ABHD8: variants seen among roughly 807,000 people sequenced by gnomAD.
ABHD8 encodes the protein abhydrolase domain containing 8.
In ABHD8, 10 loss-of-function variants were observed where a neutral mutation model predicts 29.3. That is an observed-to-expected ratio of 0.34 (90% CI 0.21 to 0.58). The LOEUF (loss-of-function observed/expected upper bound fraction) is 0.58. Among genes scored for constraint, ABHD8 ranks in the 20% least tolerant of loss-of-function variants. The probability of loss-of-function intolerance (pLI) is 0.85; values close to 1 mark genes in which losing one functional copy is unlikely to be tolerated. For synonymous variants in ABHD8, 282 were observed against 274.6 expected, an observed-to-expected ratio of 1.03 and a Z score of -0.27; for missense variants, 556 against 615.3, an observed-to-expected ratio of 0.90 and a Z score of 1.02.
intron 2 of ABHD8, among the ~76,000 whole-genome samples, 189 bp downstream of exon 2, chr19:17,300,667 G>A (rs1180970171): frequency 6.6e-6 from 1 of 152,076 alleles, no homozygotes; most frequent in Admixed American, 6.6e-5. Context: ...TGGTAGAGAC[G>A]GGGTTTCACC....
Position 17,301,535 on chromosome 19 carries a change from C to G in ABHD8, c.82G>C (p.Glu28Gln), listed in dbSNP as rs1429668458. ...ACAAAGGTGTAGCCATCGCTGGACTCGACGCTCTCCAGTGGCCCCACGGCG... is the reference window on the plus strand; with the variant it reads ...ACAAAGGTGTAGCCATCGCTGGACTGGACGCTCTCCAGTGGCCCCACGGCG... Reference protein sequence around the residue: ...PNAVGPLESVESSDGYTFVEV... With the variant: ...PNAVGPLESVQSSDGYTFVEV... Residue 28 changes from glutamate (E) to glutamine (Q), a missense_variant, in exon 2 of 5, where the codon GAG becomes CAG. By Grantham distance (29) the Glu-to-Gln change is conservative. This residue lies in a region of ABHD8 where 286 missense variants were observed against 261.4 expected (regional missense o/e 1.09). Transcript: ENST00000247706. 11 of 1,609,702 alleles carry G rather than the reference C, an allele frequency of 6.8e-6. No individual in the cohort carries two copies. The highest frequency in any genetic ancestry group is 2.7e-5 in the African/African-American group (2 of 74,878).
rs372720665 is a variant in ABHD8, at chr19:17,301,314, G to A, written c.303C>T (p.Ala101=). 444 of 1,607,202 alleles carry A rather than the reference G, an allele frequency of 2.8e-4. No individual in the cohort carries two copies. Among genetic ancestry groups the A allele is most frequent in the Non-Finnish European group, 3.6e-4 (424 of 1,179,806 alleles). ...AGCCATTCTGCCCGTGTAGGAGGTCGGCTCGAGGGGCTCGGCCCAGGTTTT... is the reference window on the plus strand; with the variant it reads ...AGCCATTCTGCCCGTGTAGGAGGTCAGCTCGAGGGGCTCGGCCCAGGTTTT... ...LVENLGRAPR[A]DLLHGQNGSG... Residue 101 remains alanine, a synonymous_variant, in exon 2 of 5, where the codon GCC becomes GCT. Transcript: ENST00000247706.
rs11086067 is a variant in ABHD8, at chr19:17,301,590, G to A, written c.27C>T (p.Ile9=). 461,580 of 1,574,700 alleles carry A rather than the reference G, an allele frequency of 0.29. 69,202 individuals carry two copies. Among genetic ancestry groups the A allele is most frequent in the South Asian group, 0.37 (32,037 of 86,730 alleles). ...GGGGCGTGCCCAGCAGGCAACAGAA[G>A]ATACCGTCGGTCACCCCGGTCAGCA... is the stretch of plus-strand genomic sequence containing the variant. MLTGVTDG[I]FCCLLGTPPN... Residue 9 remains isoleucine, a synonymous_variant, in exon 2 of 5, where the codon ATC becomes ATT. Transcript: ENST00000247706.
At position 17,294,977 on chromosome 19, in the gene ABHD8, G is replaced by A. The variant is rs190721462; in HGVS notation, c.762-132C>T. ...TTTACTCTGTCCCCCAGGCTGGAAT[G>A]CAGTGGCTCCATCTTGGCTCACTGC... On this transcript the variant is annotated intron_variant, in intron 2 of 4. Coordinates refer to ENST00000247706, the MANE Select transcript of ABHD8 (RefSeq NM_024527.5). The A allele has an allele frequency of 1.7e-4, 187 of 1,131,964 alleles. No homozygotes were observed. In the African/African-American group the frequency reaches 2.2e-3, roughly 13 times the overall value. 70.1% of individuals were successfully genotyped at this position (1,131,964 alleles called of 1,614,324 possible).
chr19:17,297,082 T>A (rs773253579), intron 2 of ABHD8, among the ~76,000 whole-genome samples: 24 of 152,204 alleles, frequency 1.6e-4, no homozygotes, highest in Non-Finnish European at 2.5e-4. Flanking sequence ...ATCCGATCCT[T>A]TAAGGAAATG....
At chr19:17,293,676 C>T (rs1349778443) in intron 4 of ABHD8, among the ~76,000 whole-genome samples, 2 of 139,510 alleles carry the variant, frequency 1.4e-5, no homozygotes, top group East Asian at 4.0e-4. Flanking sequence ...TCCAGTTATA[C>T]TTTAATGGTT....
intron 4 of ABHD8, 72 bp downstream of exon 4, chr19:17,294,216 G>C (rs534779612): frequency 6.6e-7 from 1 of 1,525,932 alleles, no homozygotes; most frequent in Non-Finnish European, 8.8e-7. Context: ...CACGCCCCCC[G>C]CAGAGGCCAC....
At chr19:17,294,874 G>A (rs1599522470) in intron 2 of ABHD8, 29 bp from the exon 3 acceptor site, 5 of 1,605,616 alleles carry the variant, frequency 3.1e-6, no homozygotes, top group Non-Finnish European at 4.3e-6. Context: ...GTGATAGGAG[G>A]ATTGAAGGGA....
At position 17,300,888 on chromosome 19, in the gene ABHD8, C is replaced by T; in HGVS notation, c.729G>A (p.Lys243=). The T allele has an allele frequency of 1.9e-6, 3 of 1,600,706 alleles. No homozygotes were observed. The highest frequency in any genetic ancestry group is 2.6e-6 in the Non-Finnish European group (3 of 1,170,416). The change falls in exon 2 of 5, where the codon AAG becomes AAA. Residue 243 remains lysine (K), a synonymous_variant. Transcript: ENST00000247706. ...DMRAIFKRYA[K]KRNVLIGHSY... ...AATGGCCAATGAGCACATTTCGCTT[C>T]TTGGCATAGCGCTTGAAGATTGCTC... is the stretch of plus-strand genomic sequence containing the variant.
In ABHD8 at chr19:17,301,374, C is replaced by A. The variant is rs1286889482; in HGVS notation, c.243G>T (p.Arg81=). The A allele has an allele frequency of 1.9e-6, 3 of 1,611,118 alleles. No homozygotes were observed. Among genetic ancestry groups the A allele is most frequent in the Non-Finnish European group, 8.5e-7 (1 of 1,179,906 alleles). ...DLSGLVRCQR[R]ITVYRNGRLL... ...ACCGCCCATTGCGGTACACGGTGAT[C>A]CGGCGCTGACAGCGGACCAAGCCGG... Residue 81 remains arginine, a synonymous_variant, in exon 2 of 5, where the codon CGG becomes CGT. Transcript: ENST00000247706.
Position 17,292,472 on chromosome 19 carries a change from G to T in ABHD8, c.*189C>A. On this transcript the variant is annotated 3_prime_UTR_variant, in exon 5 of 5. Coordinates refer to ENST00000247706, the MANE Select transcript of ABHD8 (RefSeq NM_024527.5). Reference sequence around the variant, plus strand: ...GGGCCCCGCGGGACGGAAGCGGAGAGCGGAATGTCCGCTGGGCTCCCTCGG... The same window carrying T: ...GGGCCCCGCGGGACGGAAGCGGAGATCGGAATGTCCGCTGGGCTCCCTCGG... The T allele has an allele frequency of 1.5e-6, 1 of 650,316 alleles. No homozygotes were observed. Among genetic ancestry groups the T allele is most frequent in the Non-Finnish European group, 2.4e-6 (1 of 415,828 alleles). 40.3% of individuals were successfully genotyped at this position (650,316 alleles called of 1,614,324 possible). A position where few individuals can be genotyped will look rare whatever the true frequency, so the allele number is the denominator to read the frequency against.
chr19:17,297,833 C>G (rs1248615975), intron 2 of ABHD8: 1 of 151,016 alleles, frequency 6.6e-6, no homozygotes, highest in Non-Finnish European at 1.5e-5. Context: ...TCAGCTATAG[C>G]AGTCCTCCCA....
At position 17,292,650 on chromosome 19, in the gene ABHD8, C is replaced by A. The variant is rs1460596462; in HGVS notation, c.*11G>T. On this transcript the variant is annotated 3_prime_UTR_variant, in exon 5 of 5. Transcript: ENST00000247706. ...CTGTGCTCACCAAGCGATGCCCCGCCGGCCCAGCGGCTACTTCTTGTCTTC... is the reference window on the plus strand; with the variant it reads ...CTGTGCTCACCAAGCGATGCCCCGCAGGCCCAGCGGCTACTTCTTGTCTTC... 6.2e-7 allele frequency: 1 copy of A among 1,602,782 alleles called. No homozygotes were observed. Among genetic ancestry groups the A allele is most frequent in the Non-Finnish European group, 8.5e-7 (1 of 1,174,956 alleles).
In ABHD8 at chr19:17,301,522, CCATCGCTGG is replaced by C; in HGVS notation, c.86_94del (p.Ser29_Gly32delinsCys). The C allele has an allele frequency of 6.2e-7, 1 of 1,610,976 alleles. No homozygotes were observed. On this transcript the variant is annotated inframe_deletion, in exon 2 of 5. Coordinates refer to ENST00000247706, the MANE Select transcript of ABHD8 (RefSeq NM_024527.5). ...GGGCTTGACCTCTACAAAGGTGTAG[CCATCGCTGG>C]ACTCGACGCTCTCCAGTGGCCCCAC...
intron 2 of ABHD8, among the ~76,000 whole-genome samples, chr19:17,299,986 G>A (rs983611292): frequency 6.7e-6 from 1 of 149,488 alleles, no homozygotes; most frequent in Non-Finnish European, 1.5e-5. Flanking sequence ...CTCACTGCAA[G>A]CTCCGTCTCC....
rs761958582 is a variant in ABHD8, at chr19:17,301,143, G to T, written c.474C>A (p.Ile158=). 4 of 1,612,412 alleles carry T rather than the reference G, an allele frequency of 2.5e-6. No homozygotes were observed. Among genetic ancestry groups the T allele is most frequent in the Non-Finnish European group, 3.4e-6 (4 of 1,179,972 alleles). Reference sequence around the variant, plus strand: ...TGATGCGCTTCTCACAGTCAATATGGATGGTCCTCTTGGGGCGCCTGGCTC... The same window carrying T: ...TGATGCGCTTCTCACAGTCAATATGTATGGTCCTCTTGGGGCGCCTGGCTC... ...RRRARRPKRT[I]HIDCEKRITS... is the part of the protein sequence containing the mutation. The change falls in exon 2 of 5, where the codon ATC becomes ATA. Residue 158 remains isoleucine (I), a synonymous_variant. Transcript: ENST00000247706.
At chr19:17,296,186 GATCCAGAAGTTTC>G (rs2074093246) in intron 2 of ABHD8, 1 of 151,954 alleles carries the variant, frequency 6.6e-6, no homozygotes, top group Non-Finnish European at 1.5e-5. Context: ...AGAGAATCTG[GATCCAGAAGTTTC>G]ACCAGACTTT....
At position 17,301,007 on chromosome 19, in the gene ABHD8, C is replaced by A; in HGVS notation, c.610G>T (p.Glu204Ter). 6.2e-7 allele frequency: 1 copy of A among 1,613,514 alleles called. No homozygotes were observed. Among genetic ancestry groups the A allele is most frequent in the Non-Finnish European group, 8.5e-7 (1 of 1,180,038 alleles). ...QLDFFVRLGY[E>*]VVAPDLAGHG... Reference sequence around the variant, plus strand: ...CCGGCCAGGTCAGGAGCCACCACCTCATAGCCTAGGCGCACAAAGAAGTCC... The same window carrying A: ...CCGGCCAGGTCAGGAGCCACCACCTAATAGCCTAGGCGCACAAAGAAGTCC... Residue 204 changes from glutamate to a stop codon, truncating the protein, a stop_gained, in exon 2 of 5, where the codon GAG (glutamate) becomes TAG (stop). Transcript: ENST00000247706. LOFTEE classifies it high-confidence loss of function.
intron 1 of ABHD8, 42 bp downstream of exon 1, chr19:17,303,200 C>T (rs1350669495): frequency 2.6e-5 from 4 of 152,246 alleles, no homozygotes; most frequent in Non-Finnish European, 5.9e-5. Flanking sequence ...GTGGAGGCCC[C>T]GGGGCTTCGA....
Sources: gnomAD v4.1 joint callset for allele counts (sites outside exome capture counted in the v4.1 genomes callset) on GRCh38, gnomAD v4.1.1 for gene constraint, gnomAD v4.1.1 regional missense constraint, MANE v1.5 for transcripts, NCBI Gene and HGNC (gene_info 2026-07-23, HGNC 2026-07-21) for gene names.